SCYL2: variants seen among roughly 807,000 people sequenced by gnomAD.
SCYL2 encodes the protein SCY1-like protein 2.
In SCYL2, 36 loss-of-function variants were observed where a neutral mutation model predicts 100.4. That is an observed-to-expected ratio of 0.36 (90% CI 0.27 to 0.47). The LOEUF (loss-of-function observed/expected upper bound fraction) is 0.47, where lower values mean the gene tolerates loss of function less well. Among genes scored for constraint, SCYL2 ranks in the 20% least tolerant of loss-of-function variants. The probability of loss-of-function intolerance (pLI) is 1.00; values close to 1 mark genes in which losing one functional copy is unlikely to be tolerated. For missense variants in SCYL2, 902 were observed against 1,083.9 expected (o/e 0.83, Z 2.36); for synonymous variants, 330 against 359.2 (o/e 0.92, Z 0.92).
chr12:100,308,675 TC>T (rs2096337880), intron 4 of SCYL2, among the ~76,000 whole-genome samples: 1 of 152,132 alleles, frequency 6.6e-6, no homozygotes, highest in Non-Finnish European at 1.5e-5. Flanking sequence ...GAAATTGCAG[TC>T]CTTGTGTAGT....
At chr12:100,331,027 C>T (rs1952203233) in intron 13 of SCYL2, among the ~76,000 whole-genome samples, 1 of 151,732 alleles carries the variant, frequency 6.6e-6, no homozygotes. Flanking sequence ...CAGGTTTTCA[C>T]CATGTTCCAG....
chr12:100,277,904 T>C (rs2096294177), intron 1 of SCYL2, among the ~76,000 whole-genome samples: 1 of 152,128 alleles, frequency 6.6e-6, no homozygotes, highest in Non-Finnish European at 1.5e-5. Context: ...TTGTTATTAT[T>C]TGAGGGTCTA....
intron 3 of SCYL2, 105 bp downstream of exon 3, chr12:100,291,765 A>T (rs1241049377): frequency 9.1e-7 from 1 of 1,104,556 alleles, no homozygotes; most frequent in Non-Finnish European, 1.3e-6. Context: ...AAATTCTTAT[A>T]CTCTAAGTGT....
chr12:100,317,035 G>A (rs1184189143), intron 9 of SCYL2, among the ~76,000 whole-genome samples: 1 of 151,976 alleles, frequency 6.6e-6, no homozygotes, highest in African/African-American at 2.4e-5. Context: ...GGTCGAGGCT[G>A]CGGTAAGCTA....
chr12:100,315,229 T>C lies in SCYL2; in HGVS notation c.1096-329T>C, dbSNP rs144226635. Among the ~76,000 whole-genome samples the C allele has an allele frequency of 3.9e-5, 6 of 152,302 alleles. No individual in the cohort carries two copies. In the East Asian group the frequency reaches 1.2e-3, roughly 29 times the overall value. On this transcript the variant is annotated intron_variant, in intron 8 of 17. Transcript: ENST00000360820. ...GTGTGAAACAGTTAACAGTACATGA[T>C]AGTGTTTATGTTGTGTGGTATGAAT...
At chr12:100,312,061 CT>C (rs1218698369) in intron 5 of SCYL2, among the ~76,000 whole-genome samples, 2 of 152,150 alleles carry the variant, frequency 1.3e-5, no homozygotes, top group East Asian at 1.9e-4. Context: ...ATCTTTTGAA[CT>C]TTTTAACTAA....
chr12:100,300,685 C>T (rs1177621015), intron 4 of SCYL2, among the ~76,000 whole-genome samples: 2 of 152,164 alleles, frequency 1.3e-5, no homozygotes, highest in African/African-American at 4.8e-5. Context: ...TCCTTCTACT[C>T]TCCATCTCCA....
intron 1 of SCYL2, among the ~76,000 whole-genome samples, chr12:100,279,348 C>T (rs1467151716): frequency 1.3e-5 from 2 of 152,240 alleles, no homozygotes; most frequent in Non-Finnish European, 2.9e-5. Context: ...GGCAGTAATG[C>T]TTGCTCGCCT....
chr12:100,298,555 C>A (rs993262380), intron 4 of SCYL2, among the ~76,000 whole-genome samples: 1 of 152,076 alleles, frequency 6.6e-6, no homozygotes, highest in Non-Finnish European at 1.5e-5. Flanking sequence ...TTAGCCTTTT[C>A]TTTTCTTTTT....
intron 10 of SCYL2, among the ~76,000 whole-genome samples, chr12:100,322,402 A>G (rs934868791): frequency 2.7e-5 from 4 of 149,946 alleles, no homozygotes; most frequent in Admixed American, 6.6e-5. Context: ...AAGAAAACTA[A>G]AAAAAAAAGA....
In SCYL2 at chr12:100,308,280, A is replaced by T. The variant is rs539528221; in HGVS notation, c.481-2764A>T. 4.5e-4 allele frequency among the ~76,000 whole-genome samples: 68 copies of T among 152,356 alleles called. 2 individuals are homozygous for T. In the South Asian group the frequency reaches 0.014, roughly 31 times the overall value. On this transcript the variant is annotated intron_variant, in intron 4 of 17. Coordinates refer to ENST00000360820, the MANE Select transcript of SCYL2 (RefSeq NM_017988.6). Reference sequence around the variant, plus strand: ...AGATTGGATAAAGAAAATGTGGCACATATACACCATGGAATACTATGCAGC... The same window carrying T: ...AGATTGGATAAAGAAAATGTGGCACTTATACACCATGGAATACTATGCAGC...
Position 100,291,649 on chromosome 12 carries a change from A to G in SCYL2, c.324A>G (p.Leu108=). The change falls in exon 3 of 18, where the codon TTA becomes TTG. Residue 108 remains leucine (L), a synonymous_variant. Transcript: ENST00000360820. ...HPRLLTVQHP[L]EESRDCLAFC... ...GACTTCTTACTGTCCAGCATCCTTT[A>G]GAAGAATCCAGGTAAATTTTTACAA... is the stretch of plus-strand genomic sequence containing the variant. The G allele has an allele frequency of 6.3e-7, 1 of 1,577,694 alleles. No homozygotes were observed. Among genetic ancestry groups the G allele is most frequent in the South Asian group, 1.2e-5 (1 of 80,720 alleles).
At chr12:100,297,671 A>G (rs942855830) in intron 3 of SCYL2, among the ~76,000 whole-genome samples, 4 of 152,234 alleles carry the variant, frequency 2.6e-5, no homozygotes, top group Admixed American at 2.6e-4. Flanking sequence ...GGATAATACC[A>G]TAAGTGTAAT....
intron 1 of SCYL2, among the ~76,000 whole-genome samples, chr12:100,276,418 G>T (rs11110327): frequency 0.032 from 4,942 of 152,122 alleles, 101 homozygotes; most frequent in African/African-American, 0.059. Flanking sequence ...CTGCAGCCTT[G>T]ATCTCCCAGG....
intron 9 of SCYL2, among the ~76,000 whole-genome samples, chr12:100,316,375 G>A (rs982360535): frequency 1.4e-4 from 22 of 152,250 alleles, no homozygotes; most frequent in Non-Finnish European, 3.1e-4. Context: ...AGTATGACTT[G>A]TGTCGTTGCC....
At position 100,282,326 on chromosome 12, in the gene SCYL2, T is replaced by G. The variant is rs1266711793; in HGVS notation, c.-28-617T>G. 2.5e-5 allele frequency among the ~76,000 whole-genome samples: 3 copies of G among 121,604 alleles called. 1 individual carries two copies. Among genetic ancestry groups the G allele is most frequent in the Non-Finnish European group, 5.5e-5 (3 of 54,322 alleles). 79.8% of individuals were successfully genotyped at this position (121,604 alleles called of 152,430 possible). On this transcript the variant is annotated intron_variant, in intron 1 of 17. Transcript: ENST00000360820. ...ACAAAACCCACTTTTAGTCTTTTTT[T>G]TTTTTTTTTTTTTTTTTGAGATGCA...
intron 4 of SCYL2, 101 bp from the exon 5 acceptor site, chr12:100,310,943 T>A (rs1432151074): frequency 1.7e-6 from 2 of 1,191,986 alleles, no homozygotes; most frequent in African/African-American, 1.6e-5. Context: ...CACGCAAAAC[T>A]TTTATTGTGA....
rs1387915663 is a variant in SCYL2, at chr12:100,338,606, G to C, written c.2224G>C (p.Ala742Pro). Residue 742 changes from alanine (A) to proline (P), a missense_variant, in exon 18 of 18, where the codon GCT (alanine) becomes CCT (proline). Ala to Pro is a conservative substitution (Grantham distance 27). Coordinates refer to ENST00000360820, the MANE Select transcript of SCYL2 (RefSeq NM_017988.6). ...TTCTGTTAGTACCCCTAAATCTTCT[G>C]CTTCAAGTACTTTCACTTCTGTTCC... Reference protein sequence around the residue: ...SLSVSTPKSSASSTFTSVPSM... With the variant: ...SLSVSTPKSSPSSTFTSVPSM... 4 of 1,613,814 alleles carry C rather than the reference G, an allele frequency of 2.5e-6. No individual in the cohort carries two copies. In the Admixed American group the frequency reaches 6.7e-5, roughly 27 times the overall value.
At position 100,339,026 on chromosome 12, in the gene SCYL2, A is replaced by G; in HGVS notation, c.2644A>G (p.Met882Val). 6.2e-7 allele frequency: 1 copy of G among 1,614,142 alleles called. No homozygotes were observed. The highest frequency in any genetic ancestry group is 8.5e-7 in the Non-Finnish European group (1 of 1,179,966). The change falls in exon 18 of 18, where the codon ATG (methionine) becomes GTG (valine). Residue 882 changes from methionine to valine, a missense_variant. Met to Val is a conservative substitution (Grantham distance 21). Transcript: ENST00000360820. Reference protein sequence around the residue: ...QGSPTMGSSVMGTQMNVIGQS... With the variant: ...QGSPTMGSSVVGTQMNVIGQS... ...TTCTCCAACTATGGGCAGTTCAGTA[A>G]TGGGGACACAGATGAACGTGATAGG... is the stretch of plus-strand genomic sequence containing the variant.
Sources: gnomAD v4.1 joint callset for allele counts (sites outside exome capture counted in the v4.1 genomes callset) on GRCh38, gnomAD v4.1.1 for gene constraint, MANE v1.5 for transcripts, NCBI Gene and HGNC (gene_info 2026-07-23, HGNC 2026-07-21) for gene names.